EPB41: variants seen among roughly 807,000 people sequenced by gnomAD.
The protein encoded by EPB41 is protein 4.1.
Under a neutral mutation model 108.0 loss-of-function variants are expected in EPB41, and 65 were observed. The observed-to-expected ratio is 0.60, with a 90% CI of 0.49 to 0.74. The LOEUF is 0.74. Ranked by LOEUF, EPB41 falls within the 30% of genes least tolerant of loss-of-function variation. The pLI is 0.00. For synonymous variants in EPB41, 336 were observed against 358.9 expected, an observed-to-expected ratio of 0.94 and a Z score of 0.72; for missense variants, 875 against 1,037.0, an observed-to-expected ratio of 0.84 and a Z score of 2.15.
chr1:28,997,158 G>A, intron 3 of EPB41, 57 bp from the exon 4 acceptor site: 1 of 1,310,532 alleles, frequency 7.6e-7, no homozygotes, highest in Non-Finnish European at 1.1e-6. Context: ...TCTCTTTTGG[G>A]GAAAAAATAA....
At chr1:28,890,866 C>T in intron 1 of EPB41, 1 of 964,160 alleles carries the variant, frequency 1.0e-6, no homozygotes, top group Non-Finnish European at 1.2e-6. Context: ...GCCTCCACCC[C>T]ACGGGTACTG....
chr1:29,004,198 A>T (rs1352762134), intron 4 of EPB41, among the ~76,000 whole-genome samples: 1 of 152,156 alleles, frequency 6.6e-6, no homozygotes, highest in Non-Finnish European at 1.5e-5. Flanking sequence ...TCCTTGGGAG[A>T]GAAGTCACTT....
At chr1:29,088,962 A>G (rs918103516) in intron 16 of EPB41, among the ~76,000 whole-genome samples, 1 of 152,172 alleles carries the variant, frequency 6.6e-6, no homozygotes, top group South Asian at 2.1e-4. Flanking sequence ...AAATATATAC[A>G]TAAGTAAAAT....
intron 16 of EPB41, among the ~76,000 whole-genome samples, chr1:29,083,278 A>G (rs1657475573): frequency 2.0e-5 from 3 of 152,182 alleles, no homozygotes; most frequent in South Asian, 4.1e-4. Flanking sequence ...GGAAAGACAG[A>G]ATTTTAACAT....
At chr1:29,033,315 T>G in intron 9 of EPB41, 70 bp downstream of exon 9, 3 of 1,570,008 alleles carry the variant, frequency 1.9e-6, no homozygotes, top group Non-Finnish European at 2.6e-6. Flanking sequence ...CATTTCCATT[T>G]TCCTTATTAA....
rs1650607938 is a variant in EPB41 at position 29,070,125 on chromosome 1, AT to A, written c.2184+4969del. The A allele has an allele frequency of 1.7e-5, 6 of 351,868 alleles. No individual in the cohort carries two copies. The South Asian group carries it at 9.0e-4, about 53-fold the overall frequency. The allele number at this position is 351,868 out of a possible 1,614,324, so 21.8% of individuals were successfully genotyped here. On this transcript the variant is annotated intron_variant, in intron 16 of 20. Coordinates refer to ENST00000343067, the MANE Select transcript of EPB41 (RefSeq NM_001376013.1). ...TAACATAGCAAGGGGAAAGCCAGTG[AT>A]TCCTTGAACTTTCCGTTCTAATGTT...
At chr1:28,911,199 T>TAG (rs2092239866), upstream of EPB41, 1 of 983,690 alleles carries the variant, frequency 1.0e-6, no homozygotes, top group African/African-American at 1.7e-5. Flanking sequence ...ATTGGGCACT[T>TAG]AGCCTAACAA....
chr1:28,940,925 T>C (rs919297142), intron 1 of EPB41, among the ~76,000 whole-genome samples: 4 of 152,170 alleles, frequency 2.6e-5, no homozygotes, highest in Admixed American at 6.5e-5. Flanking sequence ...ACTGGGAACT[T>C]TTCATGTCTG....
intron 1 of EPB41, among the ~76,000 whole-genome samples, chr1:28,909,322 G>A (rs2092090428): frequency 6.6e-6 from 1 of 152,012 alleles, no homozygotes; most frequent in Non-Finnish European, 1.5e-5. Flanking sequence ...CAAATAAGAA[G>A]CTAGGTACAG....
chr1:28,960,121 G>A (rs764748178), intron 1 of EPB41, among the ~76,000 whole-genome samples: 1 of 150,536 alleles, frequency 6.6e-6, no homozygotes, highest in Non-Finnish European at 1.5e-5. Flanking sequence ...TCCTGCCTCA[G>A]CCTCCCAGAA....
intron 17 of EPB41, among the ~76,000 whole-genome samples, chr1:29,107,269 C>G (rs969115787): frequency 1.3e-5 from 2 of 152,108 alleles, no homozygotes; most frequent in African/African-American, 4.8e-5. Flanking sequence ...GCCCAAGGTT[C>G]CACAGCTGGT....
chr1:29,070,675 A>G, intron 16 of EPB41: 1 of 1,231,566 alleles, frequency 8.1e-7, no homozygotes, highest in Non-Finnish European at 1.0e-6. Flanking sequence ...CCTTGGCTTC[A>G]ACTGTGTTAT....
intron 16 of EPB41, among the ~76,000 whole-genome samples, chr1:29,083,984 GTTTAC>G (rs1467503772): frequency 2.0e-5 from 3 of 151,528 alleles, no homozygotes; most frequent in Non-Finnish European, 4.4e-5. Flanking sequence ...GATATTTATT[GTTTAC>G]TTTAGTTAAG....
intron 5 of EPB41, among the ~76,000 whole-genome samples, chr1:29,013,194 G>A (rs368852265): frequency 2.0e-5 from 3 of 152,014 alleles, no homozygotes; most frequent in South Asian, 4.1e-4. Context: ...GTGTGGTGGC[G>A]CATGCCTGTA....
chr1:29,039,219 AT>A (rs1382230913), intron 10 of EPB41, 34 bp from the exon 11 acceptor site: 1 of 1,591,212 alleles, frequency 6.3e-7, no homozygotes, highest in Admixed American at 1.7e-5. Context: ...TAAGATGAAT[AT>A]ATAATAATAT....
chr1:28,990,295 A>ATTTCCTTCCTTCCTTCCTTC (rs1553219970), intron 2 of EPB41, among the ~76,000 whole-genome samples: 1 of 27,924 alleles, frequency 3.6e-5, no homozygotes. Context: ...AGTTTTTCAA[A>ATTTCCTTCCTTCCTTCCTTC]TTTCCTTCCT....
intron 1 of EPB41, among the ~76,000 whole-genome samples, chr1:28,951,187 A>C (rs1386268180): frequency 6.6e-6 from 1 of 152,128 alleles, no homozygotes; most frequent in Non-Finnish European, 1.5e-5. Context: ...TCTTCAATTT[A>C]CCAAGGATGG....
intron 16 of EPB41, among the ~76,000 whole-genome samples, chr1:29,079,467 G>A (rs1237965014): frequency 6.6e-6 from 1 of 150,380 alleles, no homozygotes; most frequent in East Asian, 2.0e-4. Context: ...ACCCAGGCTG[G>A]AGTGCAGTGA....
chr1:28,902,854 G>A (rs914379469), intron 1 of EPB41, among the ~76,000 whole-genome samples: 1 of 152,058 alleles, frequency 6.6e-6, no homozygotes, highest in African/African-American at 2.4e-5. Context: ...CCTCTTGTTG[G>A]GCCTCAGCTT....
Sources: gnomAD v4.1 joint callset for allele counts (sites outside exome capture counted in the v4.1 genomes callset) on GRCh38, gnomAD v4.1.1 for gene constraint, MANE v1.5 for transcripts, NCBI Gene and HGNC (gene_info 2026-07-23, HGNC 2026-07-21) for gene names.